Variants in MYO1E observed in about 807,000 individuals in gnomAD.
MYO1E encodes the protein myosin IE.
MYO1E carries 68 observed loss-of-function variants against 151.1 expected under a neutral mutation model. That is an observed-to-expected ratio of 0.45 (90% CI 0.37 to 0.55). The LOEUF is 0.55. Ranked by LOEUF, MYO1E falls within the 20% of genes least tolerant of loss-of-function variation. The pLI, the probability that MYO1E is intolerant of heterozygous loss-of-function variation, is 0.00. For synonymous variants in MYO1E, 601 were observed against 501.7 expected (o/e 1.20, Z -2.64); for missense variants, 1,363 against 1,389.3 (o/e 0.98, Z 0.30).
At chr15:59,218,159 G>A in intron 9 of MYO1E, 72 bp from the exon 10 acceptor site, 1 of 1,565,252 alleles carries the variant, frequency 6.4e-7, no homozygotes, top group Non-Finnish European at 8.8e-7. Flanking sequence ...ACAAACATAT[G>A]GAGGCACTTA....
At chr15:59,253,901 C>CTTTTTTTTTTTTTTTTTTTTTT (rs34819314) in intron 4 of MYO1E, among the ~76,000 whole-genome samples, 17 of 135,822 alleles carry the variant, frequency 1.3e-4, no homozygotes, top group Non-Finnish European at 2.1e-4. Flanking sequence ...GACAAACAAC[C>CTTTTTTTTTTTTTTTTTTTTTT]TTTTTTTTTT....
chr15:59,175,856 T>G (rs2079621564), intron 19 of MYO1E, among the ~76,000 whole-genome samples: 1 of 152,166 alleles, frequency 6.6e-6, no homozygotes, highest in Non-Finnish European at 1.5e-5. Context: ...AGATTTCTTT[T>G]TAAAAGCCCA....
intron 17 of MYO1E, among the ~76,000 whole-genome samples, chr15:59,191,069 T>G (rs1301497342): frequency 6.6e-6 from 1 of 151,930 alleles, no homozygotes; most frequent in Non-Finnish European, 1.5e-5. Flanking sequence ...ATGGGAGTGG[T>G]GTTTAAGAGT....
At chr15:59,266,377 C>G (rs1244990571) in intron 2 of MYO1E, among the ~76,000 whole-genome samples, 4 of 151,978 alleles carry the variant, frequency 2.6e-5, no homozygotes, top group Non-Finnish European at 4.4e-5. Context: ...AAAAAAATGC[C>G]AATTATTTAA....
intron 4 of MYO1E, among the ~76,000 whole-genome samples, chr15:59,238,825 C>A (rs2080081904): frequency 6.6e-6 from 1 of 151,920 alleles, no homozygotes; most frequent in South Asian, 2.1e-4. Flanking sequence ...CCTGCCTTGG[C>A]CTCCCAAAGT....
At chr15:59,179,875 G>A (rs1289612123) in intron 18 of MYO1E, among the ~76,000 whole-genome samples, 4 of 152,278 alleles carry the variant, frequency 2.6e-5, no homozygotes, top group Non-Finnish European at 5.9e-5. Flanking sequence ...GGGTATGTGT[G>A]GGTGTGAAGT....
intron 3 of MYO1E, among the ~76,000 whole-genome samples, chr15:59,258,841 A>C (rs998392470): frequency 2.6e-5 from 4 of 151,872 alleles, no homozygotes; most frequent in African/African-American, 4.8e-5. Context: ...TGGGTGACAG[A>C]GTGAGACTTT....
intron 5 of MYO1E, among the ~76,000 whole-genome samples, chr15:59,233,071 T>C (rs1247262255): frequency 6.6e-6 from 1 of 150,412 alleles, no homozygotes; most frequent in Non-Finnish European, 1.5e-5. Context: ...CTTTTCTTTG[T>C]AAAATCTATT....
chr15:59,238,699 G>T (rs1298337386), intron 4 of MYO1E, among the ~76,000 whole-genome samples: 1 of 151,898 alleles, frequency 6.6e-6, no homozygotes, highest in African/African-American at 2.4e-5. Flanking sequence ...AGCCTCCCAA[G>T]TATCTGGGAT....
intron 1 of MYO1E, among the ~76,000 whole-genome samples, chr15:59,279,599 C>T (rs1346599986): frequency 6.6e-6 from 1 of 152,126 alleles, no homozygotes; most frequent in Non-Finnish European, 1.5e-5. Context: ...GGGTTCATAA[C>T]ACTACACTCC....
At chr15:59,323,992 C>A (rs1191934834) in intron 1 of MYO1E, among the ~76,000 whole-genome samples, 9 of 151,090 alleles carry the variant, frequency 6.0e-5, no homozygotes, top group African/African-American at 9.7e-5. Flanking sequence ...AAAAAAAAAA[C>A]AAAAACGGAA....
At chr15:59,364,650 T>TA (rs1362593995) in intron 1 of MYO1E, among the ~76,000 whole-genome samples, 2 of 152,192 alleles carry the variant, frequency 1.3e-5, no homozygotes, top group Admixed American at 1.3e-4. Flanking sequence ...GGCTCATGCC[T>TA]ATAATCCCAG....
intron 9 of MYO1E, 122 bp downstream of exon 9, chr15:59,222,937 A>G (rs930457158): frequency 2.6e-5 from 38 of 1,435,704 alleles, no homozygotes; most frequent in East Asian, 1.8e-4. Flanking sequence ...CACAGAGGAC[A>G]TGTAGATTTA....
At chr15:59,224,908 A>G (rs1291362893) in intron 7 of MYO1E, 85 bp from the exon 8 acceptor site, 4 of 1,571,248 alleles carry the variant, frequency 2.5e-6, no homozygotes, top group Non-Finnish European at 3.5e-6. Context: ...CACCATCCCT[A>G]AGGACTTTCT....
rs868379009 is a variant in MYO1E at position 59,181,298 on chromosome 15, T to C, written c.1905-2761A>G. Among the ~76,000 whole-genome samples, 5 of 152,278 alleles carry C rather than the reference T, an allele frequency of 3.3e-5. No individual in the cohort carries two copies. In the Middle Eastern group the frequency reaches 0.01, roughly 311 times the overall value. On this transcript the variant is annotated intron_variant, in intron 18 of 27. Coordinates refer to ENST00000288235, the MANE Select transcript of MYO1E (RefSeq NM_004998.4). Reference sequence around the variant, plus strand: ...CATGCTACAAGATAGACTTTGCAAATCTGTTATGTTTCTACCACATTCTTC... The same window carrying C: ...CATGCTACAAGATAGACTTTGCAAACCTGTTATGTTTCTACCACATTCTTC...
intron 1 of MYO1E, among the ~76,000 whole-genome samples, chr15:59,297,414 G>T (rs1469262344): frequency 7.6e-6 from 1 of 132,084 alleles, no homozygotes; most frequent in Admixed American, 9.0e-5. Context: ...GGGATTTCAG[G>T]TACGCACCAC....
chr15:59,151,010 GACACAC>G (rs60541381), intron 26 of MYO1E, among the ~76,000 whole-genome samples: 46,333 of 140,878 alleles, frequency 0.33, 8,210 homozygotes, highest in Non-Finnish European at 0.44. Context: ...AGAGGAGAGG[GACACAC>G]ACACACACAC....
intron 1 of MYO1E, among the ~76,000 whole-genome samples, chr15:59,297,474 G>GT (rs1459513364): frequency 2.4e-5 from 2 of 84,518 alleles, no homozygotes; most frequent in Non-Finnish European, 3.2e-5. Context: ...TAGGGATGGG[G>GT]TTTTTGCCAT....
At chr15:59,251,091 C>T (rs2080162116) in intron 4 of MYO1E, among the ~76,000 whole-genome samples, 1 of 152,188 alleles carries the variant, frequency 6.6e-6, no homozygotes, top group African/African-American at 2.4e-5. Context: ...CCTGGACCCT[C>T]ATTAAATTCC....
Sources: gnomAD v4.1 joint callset for allele counts (sites outside exome capture counted in the v4.1 genomes callset) on GRCh38, gnomAD v4.1.1 for gene constraint, MANE v1.5 for transcripts, NCBI Gene and HGNC (gene_info 2026-07-23, HGNC 2026-07-21) for gene names.